Variants in LRRC8A observed in about 807,000 individuals in gnomAD.
The protein encoded by LRRC8A is volume-regulated anion channel subunit LRRC8A.
Under a neutral mutation model 52.5 loss-of-function variants are expected in LRRC8A, and 24 were observed. That is an observed-to-expected ratio of 0.46 (90% CI 0.33 to 0.64). The LOEUF (loss-of-function observed/expected upper bound fraction) is 0.64. Ranked by LOEUF, LRRC8A falls within the 30% of genes least tolerant of loss-of-function variation. The probability of loss-of-function intolerance (pLI) is 0.02; values close to 1 mark genes in which losing one functional copy is unlikely to be tolerated. For synonymous variants in LRRC8A, 492 were observed against 494.2 expected (o/e 1.00, Z 0.06); for missense variants, 677 against 1,094.7 (o/e 0.62, Z 5.38).
In LRRC8A at chr9:128,916,215, C is replaced by A; in HGVS notation, c.2277C>A (p.Ile759=). Residue 759 remains isoleucine, a synonymous_variant, in exon 4 of 4, where the codon ATC becomes ATA. Transcript: ENST00000372600. This position sits in a 1 kb window ranked among gnomAD's most constrained non-coding sequence, Gnocchi z 6.1. ...GCGAGCTGACCAACCTGACGCAGAT[C>A]GAGCTGCGGGGCAACCGGCTGGAGT... ...RVGELTNLTQ[I]ELRGNRLECL... is the part of the protein sequence containing the mutation. The A allele has an allele frequency of 1.9e-6, 3 of 1,613,598 alleles. No individual in the cohort carries two copies. The highest frequency in any genetic ancestry group is 1.7e-6 in the Non-Finnish European group (2 of 1,179,998).
At chr9:128,890,586 A>G (rs1839577371) in intron 2 of LRRC8A, among the ~76,000 whole-genome samples, 1 of 152,158 alleles carries the variant, frequency 6.6e-6, no homozygotes, top group Admixed American at 6.5e-5. Context: ...TGACTCCATG[A>G]GTCAGGATCC....
intron 1 of LRRC8A, 123 bp from the exon 2 acceptor site, chr9:128,885,892 G>C (rs1161250002): frequency 6.6e-6 from 1 of 152,196 alleles, no homozygotes; most frequent in East Asian, 1.9e-4. Context: ...AACCTCTTTT[G>C]TCACCCCAGA....
At chr9:128,912,514 T>C (rs987332502) in intron 3 of LRRC8A, among the ~76,000 whole-genome samples, 1 of 69,482 alleles carries the variant, frequency 1.4e-5, no homozygotes, top group Non-Finnish European at 3.0e-5. Context: ...TGGGGGGGGG[T>C]GTGGATGGCA....
intron 2 of LRRC8A, among the ~76,000 whole-genome samples, chr9:128,905,135 C>T (rs1840195134): frequency 6.6e-6 from 1 of 152,000 alleles, no homozygotes; most frequent in African/African-American, 2.4e-5. Context: ...ATCACGCCAC[C>T]GCACTCTAGT....
At position 128,899,054 on chromosome 9, in the gene LRRC8A, A is replaced by C. The variant is rs1393012095; in HGVS notation, c.-8-8103A>C. Reference sequence around the variant, plus strand: ...TCTGCAGTCACAGCCCAGCAGTCTGACGCGGGGGTGGGCAGCTGAGGGGGA... The same window carrying C: ...TCTGCAGTCACAGCCCAGCAGTCTGCCGCGGGGGTGGGCAGCTGAGGGGGA... On this transcript the variant is annotated intron_variant, in intron 2 of 3. Coordinates refer to ENST00000372600, the MANE Select transcript of LRRC8A (RefSeq NM_019594.4). This position sits in a 1 kb window ranked among gnomAD's most constrained non-coding sequence, Gnocchi z 4.0. Among the ~76,000 whole-genome samples the C allele has an allele frequency of 6.6e-6, 1 of 152,144 alleles. No individual in the cohort carries two copies. Among genetic ancestry groups the C allele is most frequent in the East Asian group, 1.9e-4 (1 of 5,190 alleles).
chr9:128,905,924 G>C (rs1047948587), intron 2 of LRRC8A, among the ~76,000 whole-genome samples: 1 of 152,154 alleles, frequency 6.6e-6, no homozygotes, highest in East Asian at 1.9e-4. Flanking sequence ...TGCTGTTGCT[G>C]CTGTTTTTAA....
chr9:128,901,712 A>G (rs1158817885), intron 2 of LRRC8A, among the ~76,000 whole-genome samples: 1 of 152,192 alleles, frequency 6.6e-6, no homozygotes, highest in African/African-American at 2.4e-5. Context: ...GGTCCCACAG[A>G]GAGGCTACCA....
Position 128,909,010 on chromosome 9 carries a change from C to T in LRRC8A, c.1846C>T (p.Leu616=). Residue 616 remains leucine, a synonymous_variant, in exon 3 of 4, where the codon CTG becomes TTG. Transcript: ENST00000372600. ...CCACTCCATCTTCAGCCTCCACAAC[C>T]TGCAGGAGATTGACCTCAAGGACAA... ...IPHSIFSLHN[L]QEIDLKDNNL... The T allele has an allele frequency of 6.2e-7, 1 of 1,614,168 alleles. No individual in the cohort carries two copies. Among genetic ancestry groups the T allele is most frequent in the African/African-American group, 1.3e-5 (1 of 75,034 alleles).
At chr9:128,912,087 T>A (rs1840569910) in intron 3 of LRRC8A, among the ~76,000 whole-genome samples, 1 of 150,458 alleles carries the variant, frequency 6.6e-6, no homozygotes, top group African/African-American at 2.5e-5. Flanking sequence ...TTGTTATGTT[T>A]TGTTTGTTTG....
chr9:128,908,827 C>T lies in LRRC8A; in HGVS notation c.1663C>T (p.Leu555=). Residue 555 remains leucine, a synonymous_variant, in exon 3 of 4, where the codon CTA becomes TTA. Transcript: ENST00000372600. ...RLKVLRLKSN[L]SKLPQVVTDV... is the part of the protein sequence containing the mutation. ...CAAGGTGCTGCGGCTCAAGAGCAAC[C>T]TAAGCAAGCTGCCACAGGTGGTCAC... 3 of 1,613,664 alleles carry T rather than the reference C, an allele frequency of 1.9e-6. No individual in the cohort carries two copies. The highest frequency in any genetic ancestry group is 2.5e-6 in the Non-Finnish European group (3 of 1,180,034).
chr9:128,912,503 A>AT (rs1302431074), intron 3 of LRRC8A, among the ~76,000 whole-genome samples: 4 of 11,184 alleles, frequency 3.6e-4, no homozygotes, highest in East Asian at 6.7e-3. Flanking sequence ...AGGTGGGGCT[A>AT]TGGGGGGGGG....
intron 3 of LRRC8A, among the ~76,000 whole-genome samples, chr9:128,912,365 A>G (rs1013952745): frequency 6.6e-6 from 1 of 152,206 alleles, no homozygotes. Flanking sequence ...CTGGGAACAC[A>G]GAGGAACAGG....
At position 128,908,138 on chromosome 9, in the gene LRRC8A, A is replaced by G. The variant is rs1840332677; in HGVS notation, c.974A>G (p.Tyr325Cys). Residue 325 changes from tyrosine to cysteine, a missense_variant, in exon 3 of 4, where the codon TAC (tyrosine) becomes TGC (cysteine). Coordinates refer to ENST00000372600, the MANE Select transcript of LRRC8A (RefSeq NM_019594.4). Reference protein sequence around the residue: ...ATLFKILASFYISLVIFYGLI... With the variant: ...ATLFKILASFCISLVIFYGLI... ...CTCTTCAAGATCCTGGCGTCCTTCT[A>G]CATCAGCCTAGTCATCTTCTACGGC... The G allele has an allele frequency of 1.2e-6, 2 of 1,613,972 alleles. No homozygotes were observed. Among genetic ancestry groups the G allele is most frequent in the South Asian group, 1.1e-5 (1 of 91,070 alleles).
intron 2 of LRRC8A, among the ~76,000 whole-genome samples, chr9:128,904,725 T>C (rs1216380400): frequency 6.6e-6 from 1 of 151,970 alleles, no homozygotes; most frequent in Non-Finnish European, 1.5e-5. Context: ...CCAGGTATGG[T>C]GGTTCACACC....
intron 3 of LRRC8A, among the ~76,000 whole-genome samples, chr9:128,913,018 G>A (rs1208696955): frequency 1.3e-5 from 2 of 152,174 alleles, no homozygotes; most frequent in African/African-American, 4.8e-5. Flanking sequence ...GGACCATCTT[G>A]AATCCACCTG....
At chr9:128,915,479 C>T (rs1840768972) in intron 3 of LRRC8A, among the ~76,000 whole-genome samples, 1 of 152,166 alleles carries the variant, frequency 6.6e-6, no homozygotes. Context: ...CGCCCGGCAC[C>T]ATGCCCGGCT....
chr9:128,906,851 G>A (rs1430218270), intron 2 of LRRC8A, among the ~76,000 whole-genome samples: 2 of 152,230 alleles, frequency 1.3e-5, no homozygotes, highest in Admixed American at 1.3e-4. Context: ...TGCAAGGGAT[G>A]GAGCAGAGAA....
In LRRC8A at chr9:128,902,437, G is replaced by A. The variant is rs755748606; in HGVS notation, c.-8-4720G>A. Among the ~76,000 whole-genome samples the A allele has an allele frequency of 5.9e-5, 9 of 152,178 alleles. No individual in the cohort carries two copies. The highest frequency in any genetic ancestry group is 1.2e-4 in the Non-Finnish European group (8 of 68,020). Reference sequence around the variant, plus strand: ...GGGTGGTACAGACAAGCCCCAGGTCGGCGGGGCTGGGGCGGCTCCTCGCAG... The same window carrying A: ...GGGTGGTACAGACAAGCCCCAGGTCAGCGGGGCTGGGGCGGCTCCTCGCAG... On this transcript the variant is annotated intron_variant, in intron 2 of 3. Coordinates refer to ENST00000372600, the MANE Select transcript of LRRC8A (RefSeq NM_019594.4). This position sits in a 1 kb window ranked among gnomAD's most constrained non-coding sequence, Gnocchi z 4.1.
In LRRC8A at chr9:128,893,058, T is replaced by C. The variant is rs116867493; in HGVS notation, c.-9+6937T>C. ...CTGGGACAGAGTGGGCAGCTTGTCA[T>C]TTCTTGACTCCCTGTCTTCGAGAAG... is the stretch of plus-strand genomic sequence containing the variant. On this transcript the variant is annotated intron_variant, in intron 2 of 3. Coordinates refer to ENST00000372600, the MANE Select transcript of LRRC8A (RefSeq NM_019594.4). 7.3e-3 allele frequency among the ~76,000 whole-genome samples: 1,108 copies of C among 152,232 alleles called. 7 individuals are homozygous for C. Among genetic ancestry groups the C allele is most frequent in the African/African-American group, 0.019 (782 of 41,542 alleles).
Sources: gnomAD v4.1 joint callset for allele counts (sites outside exome capture counted in the v4.1 genomes callset) on GRCh38, gnomAD v4.1.1 for gene constraint, Gnocchi (gnomAD v3.1) non-coding constraint, MANE v1.5 for transcripts, NCBI Gene and HGNC (gene_info 2026-07-23, HGNC 2026-07-21) for gene names.